Variants in ARHGAP10 observed in about 807,000 individuals in gnomAD.
ARHGAP10 encodes Rho GTPase activating protein 10, also known as rho GTPase-activating protein 10.
ARHGAP10 carries 87 observed loss-of-function variants against 108.6 expected under a neutral mutation model. That is an observed-to-expected ratio of 0.80 (90% CI 0.67 to 0.96). The LOEUF is 0.96. Among genes scored for constraint, ARHGAP10 ranks in the 40% least tolerant of loss-of-function variants. The probability of loss-of-function intolerance (pLI) is 0.00; values close to 1 mark genes in which losing one functional copy is unlikely to be tolerated. For missense variants in ARHGAP10, 939 were observed against 954.5 expected (o/e 0.98, Z 0.21); for synonymous variants, 347 against 341.1 (o/e 1.02, Z -0.19).
rs199848122 is a variant in ARHGAP10, at chr4:148,063,178, G to A, written c.2058G>A (p.Gln686=). The A allele has an allele frequency of 6.2e-6, 10 of 1,614,194 alleles. No individual in the cohort carries two copies. The East Asian group carries it at 2.0e-4, about 32-fold the overall frequency. The stretch of plus-strand genomic sequence containing the variant: ...GCCAGACCCGATCGTCTATGGTCCA[G>A]TGGCTTAACCCACAGTCTCCAACCA... ...IPGQTRSSMV[Q]WLNPQSPTTT... Residue 686 remains glutamine (Q), a synonymous_variant, in exon 21 of 23, where the codon CAG becomes CAA. Coordinates refer to ENST00000336498, the MANE Select transcript of ARHGAP10 (RefSeq NM_024605.4).
At chr4:147,841,583 A>G (rs1336289476) in intron 3 of ARHGAP10, among the ~76,000 whole-genome samples, 1 of 152,206 alleles carries the variant, frequency 6.6e-6, no homozygotes, top group African/African-American at 2.4e-5. Flanking sequence ...CAAATATTAT[A>G]TAATATTTCT....
At chr4:148,012,185 A>T (rs758910178) in intron 18 of ARHGAP10, among the ~76,000 whole-genome samples, 34 of 152,106 alleles carry the variant, frequency 2.2e-4, no homozygotes, top group South Asian at 1.2e-3. Context: ...TCATTACTTC[A>T]TTTATTATGA....
intron 1 of ARHGAP10, among the ~76,000 whole-genome samples, chr4:147,734,315 T>G (rs540960330): frequency 6.6e-6 from 1 of 152,280 alleles, no homozygotes; most frequent in African/African-American, 2.4e-5. Flanking sequence ...CCAGTGCATC[T>G]GGGGGGCCAG....
intron 9 of ARHGAP10, among the ~76,000 whole-genome samples, chr4:147,880,037 CT>C (rs1463437360): frequency 1.3e-5 from 2 of 152,164 alleles, no homozygotes; most frequent in East Asian, 1.9e-4. Context: ...ACTGTTCCCC[CT>C]GAAACTAAAA....
chr4:147,947,389 G>A (rs747571601), intron 15 of ARHGAP10, among the ~76,000 whole-genome samples: 5 of 151,884 alleles, frequency 3.3e-5, no homozygotes, highest in Non-Finnish European at 5.9e-5. Flanking sequence ...CATGGCAAAC[G>A]AATGGCCTAG....
chr4:147,975,200 T>C (rs560829519), intron 18 of ARHGAP10, among the ~76,000 whole-genome samples: 1 of 152,308 alleles, frequency 6.6e-6, no homozygotes, highest in East Asian at 1.9e-4. Context: ...GTAGAATGTG[T>C]CTTTTTTTTG....
intron 4 of ARHGAP10, among the ~76,000 whole-genome samples, chr4:147,849,204 T>C (rs10519918): frequency 0.94 from 142,331 of 151,974 alleles, 67,257 homozygotes; most frequent in Non-Finnish European, 1. Flanking sequence ...TCTGTCCTTT[T>C]CATTAGGTTG....
intron 4 of ARHGAP10, among the ~76,000 whole-genome samples, chr4:147,852,295 C>A (rs1733902845): frequency 6.6e-6 from 1 of 152,214 alleles, no homozygotes; most frequent in Non-Finnish European, 1.5e-5. Flanking sequence ...CGAGGTGGCA[C>A]TTTGCCAGCG....
chr4:147,788,250 G>C (rs532019306), intron 1 of ARHGAP10, among the ~76,000 whole-genome samples: 2 of 152,172 alleles, frequency 1.3e-5, no homozygotes, highest in Admixed American at 6.5e-5. Context: ...TTTGAGACCA[G>C]CCTGACCAAC....
intron 18 of ARHGAP10, among the ~76,000 whole-genome samples, chr4:147,983,478 C>A (rs1417263226): frequency 6.6e-6 from 1 of 151,872 alleles, no homozygotes; most frequent in Non-Finnish European, 1.5e-5. Context: ...AGCCACTGCA[C>A]TCGGCCTGTT....
chr4:147,985,459 C>T (rs934022703), intron 18 of ARHGAP10, among the ~76,000 whole-genome samples: 1 of 152,166 alleles, frequency 6.6e-6, no homozygotes, highest in African/African-American at 2.4e-5. Context: ...TCTGTCTGCA[C>T]GCCTCATTGC....
intron 1 of ARHGAP10, among the ~76,000 whole-genome samples, chr4:147,770,759 G>A (rs1320640660): frequency 6.6e-6 from 1 of 152,144 alleles, no homozygotes; most frequent in East Asian, 1.9e-4. Flanking sequence ...TCTGAGCTTC[G>A]GTGTTTGTTT....
At chr4:148,046,630 T>C (rs1311108340) in intron 19 of ARHGAP10, among the ~76,000 whole-genome samples, 1 of 152,228 alleles carries the variant, frequency 6.6e-6, no homozygotes, top group African/African-American at 2.4e-5. Flanking sequence ...GCTGCCATTA[T>C]GCCTTTTATC....
intron 15 of ARHGAP10, among the ~76,000 whole-genome samples, chr4:147,949,569 A>G (rs1162541437): frequency 6.9e-6 from 1 of 143,970 alleles, no homozygotes; most frequent in Admixed American, 6.9e-5. Context: ...CCCCCCACAA[A>G]TAATTATTTG....
At chr4:147,908,733 T>C (rs1437477497) in intron 11 of ARHGAP10, among the ~76,000 whole-genome samples, 1 of 152,212 alleles carries the variant, frequency 6.6e-6, no homozygotes, top group Non-Finnish European at 1.5e-5. Flanking sequence ...GAGCTCCATC[T>C]TAATGGTTAG....
chr4:147,901,600 A>G (rs1385043795), intron 10 of ARHGAP10, among the ~76,000 whole-genome samples: 1 of 152,214 alleles, frequency 6.6e-6, no homozygotes, highest in Non-Finnish European at 1.5e-5. Flanking sequence ...TTGTGCTTGG[A>G]GGCAAGACAT....
chr4:147,753,155 C>T (rs748996795), intron 1 of ARHGAP10, among the ~76,000 whole-genome samples: 3 of 152,062 alleles, frequency 2.0e-5, no homozygotes, highest in Non-Finnish European at 2.9e-5. Flanking sequence ...CCTCAATTTG[C>T]GTATGGAAAG....
intron 17 of ARHGAP10, among the ~76,000 whole-genome samples, chr4:147,965,915 G>C (rs1156291338): frequency 6.6e-6 from 1 of 151,486 alleles, no homozygotes; most frequent in East Asian, 1.9e-4. Context: ...ACACAAAGCA[G>C]AGTAAGGGGA....
Position 147,732,350 on chromosome 4 carries a change from T to A in ARHGAP10, c.49T>A (p.Trp17Arg). Residue 17 changes from tryptophan (W) to arginine (R), a missense_variant, in exon 1 of 23, where the codon TGG (tryptophan) becomes AGG (arginine). Coordinates refer to ENST00000336498, the MANE Select transcript of ARHGAP10 (RefSeq NM_024605.4). Reference sequence around the variant, plus strand: ...CAGCGACTGCTACCTCGACAGCCCGTGGTTCCGGGAGAGGATCCGCGCTCA... The same window carrying A: ...CAGCGACTGCTACCTCGACAGCCCGAGGTTCCGGGAGAGGATCCGCGCTCA... Reference protein sequence around the residue: ...EFSDCYLDSPWFRERIRAHEA... With the variant: ...EFSDCYLDSPRFRERIRAHEA... The A allele has an allele frequency of 6.2e-7, 1 of 1,613,060 alleles. No individual in the cohort carries two copies. Among genetic ancestry groups the A allele is most frequent in the South Asian group, 1.1e-5 (1 of 91,006 alleles).
Sources: gnomAD v4.1 joint callset for allele counts (sites outside exome capture counted in the v4.1 genomes callset) on GRCh38, gnomAD v4.1.1 for gene constraint, MANE v1.5 for transcripts, NCBI Gene and HGNC (gene_info 2026-07-23, HGNC 2026-07-21) for gene names.